The following PAK2 variants were observed in gnomAD, a reference collection of about 807,000 sequenced individuals.
PAK2 encodes serine/threonine-protein kinase PAK 2.
PAK2 carries 21 observed loss-of-function variants against 65.9 expected under a neutral mutation model. The ratio of observed to expected loss-of-function variants is 0.32; its 90% CI spans 0.23 to 0.46. The LOEUF is 0.46. Among genes scored for constraint, PAK2 ranks in the 20% least tolerant of loss-of-function variants. PAK2 has a pLI of 1.00. For synonymous variants in PAK2, 204 were observed against 219.7 expected (o/e 0.93, Z 0.63); for missense variants, 324 against 642.6 (o/e 0.50, Z 5.36).
At chr3:196,802,861 A>T (rs1157592659) in intron 3 of PAK2, among the ~76,000 whole-genome samples, 156 bp from the exon 4 acceptor site, 1 of 152,162 alleles carries the variant, frequency 6.6e-6, no homozygotes, top group East Asian at 1.9e-4. Context: ...AAGAAAAAAG[A>T]AAAAATAGAC....
chr3:196,815,646 G>C (rs1225799156), intron 11 of PAK2, among the ~76,000 whole-genome samples: 1 of 151,970 alleles, frequency 6.6e-6, no homozygotes, highest in Non-Finnish European at 1.5e-5. Context: ...AATTAGCTGG[G>C]TGTGGTGGTA....
At position 196,751,667 on chromosome 3, in the gene PAK2, T is replaced by TATA. The variant is rs1560089766; in HGVS notation, c.-22+11510_-22+11511insATA. Among the ~76,000 whole-genome samples, 27 of 45,088 alleles carry TATA rather than the reference T, an allele frequency of 6.0e-4. 1 individual carries two copies. Among genetic ancestry groups the TATA allele is most frequent in the Admixed American group, 2.6e-3 (11 of 4,156 alleles). The allele number at this position is 45,088 out of a possible 152,430, so 29.6% of individuals were successfully genotyped here. A position where few individuals can be genotyped will look rare whatever the true frequency, so the allele number is the denominator to read the frequency against. ...CCCCCCAAAAAACACACAAATTTATTTATATACATATATATATATATATAT... is the reference window on the plus strand; with the variant it reads ...CCCCCCAAAAAACACACAAATTTATTATATATATACATATATATATATATATAT... On this transcript the variant is annotated intron_variant, in intron 1 of 14. Transcript: ENST00000327134.
chr3:196,765,954 C>T (rs1454694005), intron 1 of PAK2, among the ~76,000 whole-genome samples: 2 of 150,262 alleles, frequency 1.3e-5, no homozygotes, highest in East Asian at 1.9e-4. Context: ...GGCTGGAGTG[C>T]AGTGGCATGA....
intron 2 of PAK2, among the ~76,000 whole-genome samples, chr3:196,799,065 T>C (rs1302710777): frequency 6.6e-6 from 1 of 152,180 alleles, no homozygotes; most frequent in African/African-American, 2.4e-5. Flanking sequence ...AAAAATTTTT[T>C]TTAAGAAAAC....
intron 7 of PAK2, among the ~76,000 whole-genome samples, chr3:196,809,417 C>T (rs2108762326): frequency 7.7e-6 from 1 of 129,784 alleles, no homozygotes; most frequent in South Asian, 2.5e-4. Context: ...TGGCGTGGCT[C>T]ACTGCAATCT....
At chr3:196,785,961 G>A (rs935693482) in intron 2 of PAK2, among the ~76,000 whole-genome samples, 1 of 151,994 alleles carries the variant, frequency 6.6e-6, no homozygotes, top group East Asian at 1.9e-4. Flanking sequence ...ACCATATCAA[G>A]GTCTTTAATC....
At chr3:196,811,279 CT>C (rs1715798743) in intron 8 of PAK2, among the ~76,000 whole-genome samples, 1 of 62,638 alleles carries the variant, frequency 1.6e-5, no homozygotes, top group African/African-American at 6.6e-5. Context: ...CCTTCCCTCC[CT>C]TCCCTCCCTT....
chr3:196,741,257 GAAT>G (rs1331139728), intron 1 of PAK2, among the ~76,000 whole-genome samples: 1 of 152,148 alleles, frequency 6.6e-6, no homozygotes, highest in African/African-American at 2.4e-5. Context: ...AAATGTACAA[GAAT>G]TTGCTCTGGG....
intron 1 of PAK2, among the ~76,000 whole-genome samples, chr3:196,778,545 C>T (rs915553774): frequency 3.3e-5 from 5 of 152,146 alleles, no homozygotes; most frequent in African/African-American, 7.2e-5. Flanking sequence ...TTCCTGTATA[C>T]CTATCACCCG....
At chr3:196,744,815 T>C (rs1210730639) in intron 1 of PAK2, among the ~76,000 whole-genome samples, 1 of 152,206 alleles carries the variant, frequency 6.6e-6, no homozygotes, top group Non-Finnish European at 1.5e-5. Flanking sequence ...ATTTCTAACT[T>C]TGAGCAACTA....
intron 1 of PAK2, among the ~76,000 whole-genome samples, chr3:196,759,338 C>G (rs966002347): frequency 2.6e-5 from 4 of 152,036 alleles, no homozygotes; most frequent in African/African-American, 9.7e-5. Context: ...TCATCCTTGC[C>G]TGTGCCTCTG....
chr3:196,788,245 A>G (rs1714959927), intron 2 of PAK2, among the ~76,000 whole-genome samples: 1 of 152,184 alleles, frequency 6.6e-6, no homozygotes, highest in African/African-American at 2.4e-5. Flanking sequence ...AAACAATTGT[A>G]TTTCCATTTT....
At chr3:196,762,231 G>A (rs1714001280) in intron 1 of PAK2, among the ~76,000 whole-genome samples, 2 of 106,942 alleles carry the variant, frequency 1.9e-5, no homozygotes, top group African/African-American at 6.6e-5. Flanking sequence ...CCAGGCAGAG[G>A]GGCTCCTCAC....
intron 2 of PAK2, among the ~76,000 whole-genome samples, chr3:196,787,303 G>A (rs991292825): frequency 6.6e-6 from 1 of 151,918 alleles, no homozygotes; most frequent in Non-Finnish European, 1.5e-5. Flanking sequence ...ACTTTGGGCC[G>A]GGCACCGTGG....
intron 4 of PAK2, 129 bp from the exon 5 acceptor site, chr3:196,805,223 T>C: frequency 1.7e-6 from 1 of 591,698 alleles, no homozygotes; most frequent in Non-Finnish European, 3.0e-6. Flanking sequence ...GTGTTCATTT[T>C]TCTCAAGAGT....
At chr3:196,823,467 A>G (rs1159287748) in intron 13 of PAK2, among the ~76,000 whole-genome samples, 1 of 152,066 alleles carries the variant, frequency 6.6e-6, no homozygotes, top group African/African-American at 2.4e-5. Flanking sequence ...AGCTCCTATC[A>G]GCAGATCCAG....
chr3:196,769,652 A>ATAC (rs1345299715), intron 1 of PAK2, among the ~76,000 whole-genome samples: 1 of 150,304 alleles, frequency 6.7e-6, no homozygotes, highest in Non-Finnish European at 1.5e-5. Context: ...TCTCCTAAAA[A>ATAC]AAAAAATACA....
chr3:196,758,220 A>G (rs1713830721), intron 1 of PAK2, among the ~76,000 whole-genome samples: 1 of 152,252 alleles, frequency 6.6e-6, no homozygotes, highest in South Asian at 2.1e-4. Flanking sequence ...GAGAAGACAG[A>G]CATTAAAAGA....
intron 1 of PAK2, among the ~76,000 whole-genome samples, chr3:196,765,143 CTTTT>C (rs58406576): frequency 0.017 from 1,670 of 98,810 alleles, 34 homozygotes; most frequent in African/African-American, 0.062. Flanking sequence ...CGTGCCCGGC[CTTTT>C]TTTTTTTTTT....
Sources: allele counts gnomAD v4.1 joint callset (sites outside exome capture counted in the v4.1 genomes callset), GRCh38; gene constraint gnomAD v4.1.1; transcripts MANE v1.5; gene names NCBI Gene and HGNC (gene_info 2026-07-23, HGNC 2026-07-21).